The following OR3A2 variants were observed in gnomAD, a reference collection of about 807,000 sequenced individuals.
OR3A2 encodes olfactory receptor 3A2.
For missense variants in OR3A2, 318 were observed against 392.8 expected, an observed-to-expected ratio of 0.81 and a Z score of 1.61; for synonymous variants, 126 against 159.3, an observed-to-expected ratio of 0.79 and a Z score of 1.57.
chr17:3,368,402 G>A (rs1219315032), intron 2 of OR3A2, among the ~76,000 whole-genome samples: 1 of 152,142 alleles, frequency 6.6e-6, no homozygotes, highest in Non-Finnish European at 1.5e-5. Flanking sequence ...ATCTTGAGTA[G>A]ATTTTTGTAT....
chr17:3,280,941 C>T (rs1329435609), intron 1 of OR3A2, among the ~76,000 whole-genome samples: 1 of 152,128 alleles, frequency 6.6e-6, no homozygotes, highest in Admixed American at 6.5e-5. Flanking sequence ...ATCTGGAAAG[C>T]AGAAGAGGCA....
intron 3 of OR3A2, among the ~76,000 whole-genome samples, chr17:3,332,495 C>G (rs1409688631): frequency 2.0e-5 from 3 of 152,182 alleles, no homozygotes; most frequent in Non-Finnish European, 4.4e-5. Flanking sequence ...TTCTTTGACT[C>G]AGAAAGGGAA....
chr17:3,307,572 G>T (rs1324614305), intron 3 of OR3A2, among the ~76,000 whole-genome samples: 2 of 152,216 alleles, frequency 1.3e-5, no homozygotes, highest in African/African-American at 2.4e-5. Context: ...AGATGGTCCT[G>T]TTCTAAAAGT....
intron 3 of OR3A2, among the ~76,000 whole-genome samples, chr17:3,323,961 T>C (rs527426918): frequency 5.3e-5 from 8 of 152,148 alleles, no homozygotes; most frequent in Non-Finnish European, 1.2e-4. Flanking sequence ...GTTTTCCAAC[T>C]TGGTTCCATT....
In OR3A2 at chr17:3,320,787, C is replaced by T. The variant is rs373190603; in HGVS notation, c.-85+15246G>A. Among the ~76,000 whole-genome samples, 10 of 151,636 alleles carry T rather than the reference C, an allele frequency of 6.6e-5. 1 individual carries two copies. Among genetic ancestry groups the T allele is most frequent in the Admixed American group, 2.6e-4 (4 of 15,172 alleles). On this transcript the variant is annotated intron_variant, in intron 3 of 4. Transcript: ENST00000573491. ...TGCTGTTTTGGTTACTGTAGCCTTG[C>T]AGTATAGTTGGAAGTCAGGTAGTGT...
chr17:3,383,510 C>G (rs893959123), intron 2 of OR3A2, among the ~76,000 whole-genome samples: 2 of 152,172 alleles, frequency 1.3e-5, no homozygotes, highest in Admixed American at 1.3e-4. Flanking sequence ...GTTTCCACAG[C>G]CAGTCAGGAT....
intron 3 of OR3A2, among the ~76,000 whole-genome samples, chr17:3,295,417 T>C (rs1416826033): frequency 1.3e-5 from 2 of 152,034 alleles, no homozygotes; most frequent in African/African-American, 4.8e-5. Flanking sequence ...AAACAGAGTA[T>C]TGGAACTCTA....
intron 2 of OR3A2, among the ~76,000 whole-genome samples, chr17:3,381,390 T>G (rs1597367082): frequency 6.6e-6 from 1 of 152,098 alleles, no homozygotes; most frequent in Non-Finnish European, 1.5e-5. Flanking sequence ...TAATCAATCC[T>G]TCCTGCCCAA....
chr17:3,329,646 T>A (rs1483113820), intron 3 of OR3A2, among the ~76,000 whole-genome samples: 4 of 141,360 alleles, frequency 2.8e-5, no homozygotes, highest in African/African-American at 8.2e-5. Context: ...ATTTTGTTGA[T>A]CCTTTCAAAA....
At chr17:3,313,344 T>C (rs9907191) in intron 3 of OR3A2, among the ~76,000 whole-genome samples, 25,669 of 152,128 alleles carry the variant, frequency 0.17, 3,138 homozygotes, top group African/African-American at 0.34. Context: ...CAGCCATCCG[T>C]TGGGTCCCAC....
chr17:3,358,487 A>G (rs1487586213), intron 2 of OR3A2, among the ~76,000 whole-genome samples: 4 of 151,718 alleles, frequency 2.6e-5, no homozygotes, highest in African/African-American at 9.8e-5. Flanking sequence ...CTTTGTTCTC[A>G]TTAGTTTCAA....
In OR3A2 at chr17:3,325,768, C is replaced by T. The variant is rs141503545; in HGVS notation, c.-85+10265G>A. On this transcript the variant is annotated intron_variant, in intron 3 of 4. Transcript: ENST00000573491. ...AAGATATACATGTAAAATTTACCATCTTTACTACTTTTTCTCTCTTCAACT... is the reference window on the plus strand; with the variant it reads ...AAGATATACATGTAAAATTTACCATTTTTACTACTTTTTCTCTCTTCAACT... Among the ~76,000 whole-genome samples, 53 of 152,156 alleles carry T rather than the reference C, an allele frequency of 3.5e-4. 2 individuals carry two copies. The highest frequency in any genetic ancestry group is 2.3e-3 in the Admixed American group (35 of 15,264).
intron 2 of OR3A2, among the ~76,000 whole-genome samples, chr17:3,381,565 G>A (rs9909031): frequency 0.14 from 20,862 of 152,120 alleles, 1,776 homozygotes; most frequent in African/African-American, 0.24. Flanking sequence ...AGGAGATGGG[G>A]AAGGAAACTG....
rs555323124 is a variant in OR3A2, at chr17:3,381,136, C to T, written c.-179+2668G>A. On this transcript the variant is annotated intron_variant, in intron 2 of 4. Coordinates refer to the OR3A2 transcript ENST00000573491. ...TGCCCATATATTCATATATTCCTGTCCCGGTGGGTGTGCGTGTCTCTGGCA... is the reference window on the plus strand; with the variant it reads ...TGCCCATATATTCATATATTCCTGTTCCGGTGGGTGTGCGTGTCTCTGGCA... Among the ~76,000 whole-genome samples, 11 of 151,954 alleles carry T rather than the reference C, an allele frequency of 7.2e-5. No homozygotes were observed. The South Asian group carries it at 2.3e-3, about 32-fold the overall frequency.
chr17:3,285,743 G>T (rs939901169), upstream of OR3A2, among the ~76,000 whole-genome samples: 1 of 152,142 alleles, frequency 6.6e-6, no homozygotes, highest in Non-Finnish European at 1.5e-5. Context: ...AGCCGTGATC[G>T]CACCACTGCA....
intron 3 of OR3A2, among the ~76,000 whole-genome samples, chr17:3,299,844 G>A (rs9892681): frequency 0.013 from 1,968 of 152,198 alleles, 29 homozygotes; most frequent in African/African-American, 0.044. Flanking sequence ...ACAGAGGGTT[G>A]GTCTAAGAAT....
chr17:3,312,480 C>A (rs2049051876), intron 3 of OR3A2, among the ~76,000 whole-genome samples: 1 of 152,146 alleles, frequency 6.6e-6, no homozygotes, highest in African/African-American at 2.4e-5. Context: ...AACTGCAGCC[C>A]CTTTCTGACT....
At chr17:3,350,945 T>C (rs2049414969) in intron 2 of OR3A2, among the ~76,000 whole-genome samples, 1 of 151,558 alleles carries the variant, frequency 6.6e-6, no homozygotes, top group African/African-American at 2.4e-5. Context: ...CATGATTATC[T>C]CAATAGATGC....
chr17:3,342,586 G>C (rs1011232233), intron 2 of OR3A2, among the ~76,000 whole-genome samples: 2 of 152,240 alleles, frequency 1.3e-5, no homozygotes, highest in Non-Finnish European at 2.9e-5. Context: ...GGTGTCACCA[G>C]TGGAGGCTGC....
Sources: allele counts gnomAD v4.1 joint callset (sites outside exome capture counted in the v4.1 genomes callset), GRCh38; gene constraint gnomAD v4.1.1; transcripts MANE v1.5; gene names NCBI Gene and HGNC (gene_info 2026-07-23, HGNC 2026-07-21).